Variants in CREB5 observed in about 807,000 individuals in gnomAD.
The protein encoded by CREB5 is cyclic AMP-responsive element-binding protein 5.
CREB5 carries 19 observed loss-of-function variants against 57.1 expected under a neutral mutation model. The ratio of observed to expected loss-of-function variants is 0.33; its 90% CI spans 0.23 to 0.49. The LOEUF is 0.49. CREB5 is among the 20% of genes least tolerant of loss of function. The pLI, the probability that CREB5 is intolerant of heterozygous loss-of-function variation, is 0.99. For synonymous variants in CREB5, 238 were observed against 238.3 expected, an observed-to-expected ratio of 1.00 and a Z score of 0.01; for missense variants, 579 against 671.6, an observed-to-expected ratio of 0.86 and a Z score of 1.52.
intron 5 of CREB5, among the ~76,000 whole-genome samples, chr7:28,611,530 G>A (rs990920507): frequency 2.7e-5 from 4 of 148,070 alleles, no homozygotes; most frequent in Admixed American, 2.0e-4. Context: ...GCTGGGTGTG[G>A]TGGTGTGCCC....
intron 8 of CREB5, among the ~76,000 whole-genome samples, chr7:28,805,615 C>A (rs1268393096): frequency 6.6e-6 from 1 of 152,190 alleles, no homozygotes; most frequent in Non-Finnish European, 1.5e-5. Context: ...CAGAATGGGT[C>A]AGGCACAAGC....
intron 4 of CREB5, among the ~76,000 whole-genome samples, chr7:28,560,929 C>CGTGCGCGTGCGT (rs1562797931): frequency 3.3e-5 from 1 of 30,424 alleles, no homozygotes; most frequent in African/African-American, 1.6e-4. Context: ...TGTGCGCGTG[C>CGTGCGCGTGCGT]GTGTGTGCGT....
chr7:28,735,110 T>TG (rs564543055), intron 7 of CREB5, among the ~76,000 whole-genome samples: 4 of 151,748 alleles, frequency 2.6e-5, no homozygotes, highest in Non-Finnish European at 5.9e-5. Context: ...TCGTTTTGGT[T>TG]TTTTTTGTTT....
intron 5 of CREB5, among the ~76,000 whole-genome samples, chr7:28,667,648 T>C (rs1361220487): frequency 6.6e-6 from 1 of 152,190 alleles, no homozygotes; most frequent in East Asian, 1.9e-4. Context: ...CTTGGTGTTA[T>C]ATAAGAACTC....
rs774998958 is a variant in CREB5, at chr7:28,804,536, G to A, written c.1026+14G>A. The A allele has an allele frequency of 1.6e-5, 26 of 1,610,710 alleles. No homozygotes were observed. In the East Asian group the frequency reaches 2.5e-4, roughly 15 times the overall value. ...AACCAAGCACAGGTAGACCTTTTCCGTGATCTCTTTCCCCTTCTTATTCTC... is the reference window on the plus strand; with the variant it reads ...AACCAAGCACAGGTAGACCTTTTCCATGATCTCTTTCCCCTTCTTATTCTC... On this transcript the variant is annotated intron_variant, in intron 8 of 10. Transcript: ENST00000357727.
chr7:28,782,209 C>T (rs181725334), intron 7 of CREB5, among the ~76,000 whole-genome samples: 1 of 152,132 alleles, frequency 6.6e-6, no homozygotes, highest in East Asian at 1.9e-4. Flanking sequence ...TGTTTTTGAC[C>T]CAAGACTGCT....
chr7:28,823,547 T>C lies in CREB5; in HGVS notation c.*4268T>C, dbSNP rs1008092057. 7.2e-5 allele frequency: 11 copies of C among 152,628 alleles called. No homozygotes were observed. The highest frequency in any genetic ancestry group is 2.7e-4 in the African/African-American group (11 of 41,450). 9.5% of individuals were successfully genotyped at this position (152,628 alleles called of 1,614,324 possible). A position where few individuals can be genotyped will look rare whatever the true frequency, so the allele number is the denominator to read the frequency against. ...GACATTTCAAGGATTTTTATTGCTC[T>C]GTGAGTTATTTTTTAATCAACATTC... On this transcript the variant is annotated 3_prime_UTR_variant, in exon 11 of 11. Coordinates refer to ENST00000357727, the MANE Select transcript of CREB5 (RefSeq NM_182898.4).
chr7:28,529,076 A>G (rs1793602133), intron 4 of CREB5, among the ~76,000 whole-genome samples: 1 of 152,196 alleles, frequency 6.6e-6, no homozygotes, highest in Non-Finnish European at 1.5e-5. Flanking sequence ...AGCAACAGCA[A>G]CAGATTCCTG....
rs1794689938 is a variant in CREB5, at chr7:28,552,027, C to CTCTCTTTTCTCTCTCCTCTCTTCTCTCT, written c.292-18330_292-18303dup. Reference sequence around the variant, plus strand: ...CTCTCTCTCTTTTCTCTCTCTCTTTCTCTCTTTTCTCTCTCCTCTCTTCTC... The same window carrying CTCTCTTTTCTCTCTCCTCTCTTCTCTCT: ...CTCTCTCTCTTTTCTCTCTCTCTTTCTCTCTTTTCTCTCTCCTCTCTTCTCTCTTCTCTTTTCTCTCTCCTCTCTTCTC... On this transcript the variant is annotated intron_variant, in intron 4 of 10. Transcript: ENST00000357727. 5.4e-5 allele frequency among the ~76,000 whole-genome samples: 8 copies of CTCTCTTTTCTCTCTCCTCTCTTCTCTCT among 146,874 alleles called. No individual in the cohort carries two copies. The East Asian group carries it at 7.9e-4, about 15-fold the overall frequency.
intron 1 of CREB5, among the ~76,000 whole-genome samples, chr7:28,347,513 C>A (rs1349885961): frequency 6.6e-6 from 1 of 152,104 alleles, no homozygotes; most frequent in Non-Finnish European, 1.5e-5. Flanking sequence ...TATTTCGATG[C>A]CAGCATTTAA....
intron 1 of CREB5, among the ~76,000 whole-genome samples, chr7:28,389,776 C>G (rs962369349): frequency 1.3e-5 from 2 of 152,092 alleles, no homozygotes; most frequent in African/African-American, 4.8e-5. Flanking sequence ...ACAAGCGTCC[C>G]TCTGCTGGCT....
chr7:28,576,925 C>T (rs160377), intron 5 of CREB5, among the ~76,000 whole-genome samples: 124,893 of 152,246 alleles, frequency 0.82, 51,327 homozygotes, highest in East Asian at 0.87. Flanking sequence ...CTACAGCAAC[C>T]AGCCTGGAAT....
chr7:28,484,685 T>C (rs763564392), intron 1 of CREB5, among the ~76,000 whole-genome samples: 1 of 152,240 alleles, frequency 6.6e-6, no homozygotes, highest in Non-Finnish European at 1.5e-5. Context: ...GACTCACTTA[T>C]GTTGTAAAAT....
chr7:28,552,874 A>G (rs1043946050), intron 4 of CREB5, among the ~76,000 whole-genome samples: 1 of 152,206 alleles, frequency 6.6e-6, no homozygotes, highest in African/African-American at 2.4e-5. Context: ...TACACATTAG[A>G]TTACTAAAAC....
At chr7:28,449,707 T>C (rs1337420751) in intron 1 of CREB5, among the ~76,000 whole-genome samples, 1 of 152,206 alleles carries the variant, frequency 6.6e-6, no homozygotes, top group Non-Finnish European at 1.5e-5. Context: ...TTAGGATCCT[T>C]CTCTGGGGGA....
chr7:28,735,220 T>C (rs1417602842), intron 7 of CREB5, among the ~76,000 whole-genome samples: 1 of 152,244 alleles, frequency 6.6e-6, no homozygotes, highest in Non-Finnish European at 1.5e-5. Flanking sequence ...TTCTGATTTT[T>C]ATAGTTATAC....
chr7:28,746,416 G>T (rs1056442345), intron 7 of CREB5, among the ~76,000 whole-genome samples: 1 of 152,124 alleles, frequency 6.6e-6, no homozygotes, highest in Non-Finnish European at 1.5e-5. Flanking sequence ...CTCAAAGTGG[G>T]GTCCCTTGAC....
intron 1 of CREB5, among the ~76,000 whole-genome samples, chr7:28,465,662 A>G (rs1790533063): frequency 6.6e-6 from 1 of 152,218 alleles, no homozygotes; most frequent in South Asian, 2.1e-4. Context: ...CATTGGCCAA[A>G]TAAGGGAAAA....
chr7:28,452,249 C>T (rs1237546729), intron 1 of CREB5, among the ~76,000 whole-genome samples: 1 of 151,862 alleles, frequency 6.6e-6, no homozygotes, highest in Non-Finnish European at 1.5e-5. Context: ...TATAATAAAC[C>T]ATTATAAGTT....
Sources: allele counts gnomAD v4.1 joint callset (sites outside exome capture counted in the v4.1 genomes callset), GRCh38; gene constraint gnomAD v4.1.1; transcripts MANE v1.5; gene names NCBI Gene and HGNC (gene_info 2026-07-23, HGNC 2026-07-21).